The following ARHGAP26 variants were observed in gnomAD, a reference collection of about 807,000 sequenced individuals.
ARHGAP26 encodes Rho GTPase activating protein 26.
In ARHGAP26, 38 loss-of-function variants were observed where a neutral mutation model predicts 104.8. That is an observed-to-expected ratio of 0.36 (90% CI 0.28 to 0.48). ARHGAP26 has a LOEUF of 0.48. Among genes scored for constraint, ARHGAP26 ranks in the 20% least tolerant of loss-of-function variants. The probability of loss-of-function intolerance (pLI) is 0.99; values close to 1 mark genes in which losing one functional copy is unlikely to be tolerated. For missense variants in ARHGAP26, 704 were observed against 947.9 expected, an observed-to-expected ratio of 0.74 and a Z score of 3.38; for synonymous variants, 341 against 340.0, an observed-to-expected ratio of 1.00 and a Z score of -0.03.
chr5:143,050,457 C>T (rs1021683714), intron 14 of ARHGAP26, among the ~76,000 whole-genome samples: 3 of 152,162 alleles, frequency 2.0e-5, no homozygotes, highest in Admixed American at 2.0e-4. Flanking sequence ...GCATGCTTCA[C>T]CCACTTACCG....
rs1041633178 is a variant in ARHGAP26, at chr5:142,854,995, A to G, written c.155-18405A>G. Among the ~76,000 whole-genome samples, 15 of 152,276 alleles carry G rather than the reference A, an allele frequency of 9.9e-5. 1 individual carries two copies. The South Asian group carries it at 1.0e-3, about 11-fold the overall frequency. Reference sequence around the variant, plus strand: ...TATCCTTCCCTTGCCTCCACATCATATATGACAGTAAAGTGTTTAGAGTCA... The same window carrying G: ...TATCCTTCCCTTGCCTCCACATCATGTATGACAGTAAAGTGTTTAGAGTCA... On this transcript the variant is annotated intron_variant, in intron 1 of 22. Transcript: ENST00000645722.
intron 11 of ARHGAP26, among the ~76,000 whole-genome samples, chr5:142,938,444 C>G (rs142812128): frequency 6.6e-6 from 1 of 152,120 alleles, no homozygotes; most frequent in Non-Finnish European, 1.5e-5. Context: ...AAATTGGACA[C>G]GGAAACCTTA....
intron 1 of ARHGAP26, among the ~76,000 whole-genome samples, chr5:142,832,767 A>G (rs1004897107): frequency 6.6e-5 from 10 of 152,340 alleles, no homozygotes; most frequent in Admixed American, 2.6e-4. Context: ...TTAGAAGGAA[A>G]GAAAGAGAAA....
intron 17 of ARHGAP26, among the ~76,000 whole-genome samples, chr5:143,070,977 T>C (rs1279739180): frequency 6.6e-6 from 1 of 151,910 alleles, no homozygotes; most frequent in Admixed American, 6.6e-5. Context: ...GTCCTAAAAC[T>C]TATATGGGAC....
chr5:142,949,185 GA>G (rs1767720361), intron 11 of ARHGAP26, among the ~76,000 whole-genome samples: 1 of 24,456 alleles, frequency 4.1e-5, no homozygotes, highest in African/African-American at 4.9e-4. Context: ...GAGAGAGAGA[GA>G]GAGAGAGAGA....
intron 17 of ARHGAP26, among the ~76,000 whole-genome samples, chr5:143,116,313 T>A (rs1376803102): frequency 2.6e-5 from 4 of 152,200 alleles, no homozygotes; most frequent in Non-Finnish European, 5.9e-5. Flanking sequence ...GGTGGATAAG[T>A]GGGATGAGCT....
chr5:142,771,203 C>T (rs1013601575), intron 1 of ARHGAP26: 25 of 1,279,014 alleles, frequency 2.0e-5, no homozygotes, highest in East Asian at 3.1e-5. Context: ...GTGCGCGGCA[C>T]GCAGGTGTCC....
intron 6 of ARHGAP26, among the ~76,000 whole-genome samples, chr5:142,896,059 G>T: frequency 6.6e-6 from 1 of 152,304 alleles, no homozygotes; most frequent in South Asian, 2.1e-4. Context: ...CACAGGGTCT[G>T]TTAGGTGTGA....
At chr5:142,992,194 G>C (rs182460853) in intron 11 of ARHGAP26, among the ~76,000 whole-genome samples, 1 of 151,778 alleles carries the variant, frequency 6.6e-6, no homozygotes, top group Non-Finnish European at 1.5e-5. Flanking sequence ...TATTAAGGCT[G>C]TGAGATACTT....
chr5:142,976,640 T>C (rs1463847168), intron 11 of ARHGAP26, among the ~76,000 whole-genome samples: 6 of 152,190 alleles, frequency 3.9e-5, no homozygotes, highest in Non-Finnish European at 5.9e-5. Context: ...AGATATCCTG[T>C]TGGGAAAAGA....
At position 142,779,455 on chromosome 5, in the gene ARHGAP26, C is replaced by T. The variant is rs139904086; in HGVS notation, c.154+8540C>T. Among the ~76,000 whole-genome samples the T allele has an allele frequency of 5.2e-3, 786 of 151,780 alleles. 3 individuals are homozygous for T. The highest frequency in any genetic ancestry group is 6.8e-3 in the Non-Finnish European group (462 of 67,924). On this transcript the variant is annotated intron_variant, in intron 1 of 22. Coordinates refer to ENST00000645722, the MANE Select transcript of ARHGAP26 (RefSeq NM_001135608.3). ...TGTGTGTGTGTGTGTGTTTTCTTTG[C>T]CAGATAGACAAAGGTTTGAGGGGTT...
At chr5:142,914,345 A>G (rs1013252348) in intron 10 of ARHGAP26, among the ~76,000 whole-genome samples, 10 of 152,240 alleles carry the variant, frequency 6.6e-5, no homozygotes, top group Non-Finnish European at 1.3e-4. Flanking sequence ...CAATTTAGTC[A>G]TTACATCTTT....
chr5:143,021,887 T>G (rs1370484599), intron 12 of ARHGAP26, among the ~76,000 whole-genome samples: 1 of 152,248 alleles, frequency 6.6e-6, no homozygotes, highest in Non-Finnish European at 1.5e-5. Flanking sequence ...TTTCTCAGTC[T>G]TGGTGCTTTA....
chr5:143,221,238 G>A (rs1036517919), intron 22 of ARHGAP26, among the ~76,000 whole-genome samples: 1 of 152,076 alleles, frequency 6.6e-6, no homozygotes, highest in Non-Finnish European at 1.5e-5. Context: ...GGATCATGAT[G>A]TCACAAAAGT....
At chr5:142,885,472 T>G in intron 5 of ARHGAP26, 73 bp downstream of exon 5, 1 of 1,373,400 alleles carries the variant, frequency 7.3e-7, no homozygotes, top group Non-Finnish European at 1.0e-6. Context: ...TGCTGGTTGC[T>G]CTTTGCTAGA....
At chr5:143,082,736 T>C (rs1377664243) in intron 17 of ARHGAP26, among the ~76,000 whole-genome samples, 1 of 152,264 alleles carries the variant, frequency 6.6e-6, no homozygotes, top group East Asian at 1.9e-4. Flanking sequence ...GAGTTGTATA[T>C]AGCTCACTTT....
chr5:142,974,634 C>CT (rs1772792320), intron 11 of ARHGAP26, among the ~76,000 whole-genome samples: 1 of 152,162 alleles, frequency 6.6e-6, no homozygotes, highest in Non-Finnish European at 1.5e-5. Flanking sequence ...GAAGCAGAGC[C>CT]TCCTCCACAT....
intron 11 of ARHGAP26, among the ~76,000 whole-genome samples, chr5:142,987,790 G>T (rs1318279037): frequency 6.6e-6 from 1 of 152,148 alleles, no homozygotes; most frequent in African/African-American, 2.4e-5. Flanking sequence ...TTATATGCTG[G>T]ATTACATTTA....
intron 1 of ARHGAP26, among the ~76,000 whole-genome samples, chr5:142,832,803 C>T (rs1768750376): frequency 6.6e-6 from 1 of 152,148 alleles, no homozygotes; most frequent in Non-Finnish European, 1.5e-5. Flanking sequence ...TGAATCTGCT[C>T]AGATGCTTAA....
Sources: gnomAD v4.1 joint callset for allele counts (sites outside exome capture counted in the v4.1 genomes callset) on GRCh38, gnomAD v4.1.1 for gene constraint, MANE v1.5 for transcripts, NCBI Gene and HGNC (gene_info 2026-07-23, HGNC 2026-07-21) for gene names.